Variants in C10orf67 observed in about 807,000 individuals in gnomAD.
C10orf67 encodes the protein uncharacterized protein C10orf67, mitochondrial.
In C10orf67, 60 loss-of-function variants were observed where a neutral mutation model predicts 35.6. That is an observed-to-expected ratio of 1.68 (90% confidence interval 1.37 to 2.09). C10orf67 has a LOEUF of 2.09. Among genes scored for constraint, C10orf67 ranks in the 30% most tolerant of loss-of-function variants. C10orf67 has a pLI of 0.00. For missense variants in C10orf67, 474 were observed against 330.2 expected (o/e 1.44, Z -3.38); for synonymous variants, 167 against 115.8 (o/e 1.44, Z -2.84).
chr10:23,214,255 G>A (rs1008635677), intron 15 of C10orf67, among the ~76,000 whole-genome samples: 1 of 151,968 alleles, frequency 6.6e-6, no homozygotes, highest in African/African-American at 2.4e-5. Flanking sequence ...GAAAACATAA[G>A]AGATTAGGCA....
intron 12 of C10orf67, among the ~76,000 whole-genome samples, chr10:23,249,578 C>T (rs966030357): frequency 2.0e-5 from 3 of 152,134 alleles, no homozygotes; most frequent in Admixed American, 6.5e-5. Flanking sequence ...TTTGTGCCAC[C>T]GCACTTAGGA....
At chr10:23,326,748 A>G (rs529165594) in intron 2 of C10orf67, among the ~76,000 whole-genome samples, 1 of 152,296 alleles carries the variant, frequency 6.6e-6, no homozygotes, top group South Asian at 2.1e-4. Flanking sequence ...TGCGTTTTAC[A>G]TGAAGTTGTG....
rs1468295066 is a variant in C10orf67 at position 23,291,276 on chromosome 10, A to T, written c.706T>A (p.Ser236Thr). Residue 236 changes from serine (S) to threonine (T), a missense_variant, in exon 6 of 16, where the codon TCT (serine) becomes ACT (threonine). By Grantham distance (58) the Ser-to-Thr change is moderately conservative. Transcript: ENST00000636213. ...GGAGAGCTGGTTTCTTTGGCAAAAG[A>T]TTCCTAAAAGATGGAGAATGCCATA... Reference protein sequence around the residue: ...YKDFGFHKMESFAKETSSPKS... With the variant: ...YKDFGFHKMETFAKETSSPKS... 1 of 714,088 alleles carries T rather than the reference A, an allele frequency of 1.4e-6. No individual in the cohort carries two copies. The highest frequency in any genetic ancestry group is 1.8e-5 in the African/African-American group (1 of 57,044). 44.2% of individuals were successfully genotyped at this position (714,088 alleles called of 1,614,324 possible).
At chr10:23,269,323 C>T (rs1285557430) in intron 8 of C10orf67, among the ~76,000 whole-genome samples, 1 of 152,062 alleles carries the variant, frequency 6.6e-6, no homozygotes, top group Non-Finnish European at 1.5e-5. Flanking sequence ...ATGAAATTGT[C>T]CAACACTAAC....
At chr10:23,214,515 TA>T (rs1841383887) in intron 15 of C10orf67, among the ~76,000 whole-genome samples, 1 of 152,124 alleles carries the variant, frequency 6.6e-6, no homozygotes, top group African/African-American at 2.4e-5. Flanking sequence ...ATGCATTTAT[TA>T]ATATGTAATA....
chr10:23,234,079 T>A (rs1328682432), intron 13 of C10orf67, among the ~76,000 whole-genome samples: 1 of 152,208 alleles, frequency 6.6e-6, no homozygotes, highest in Non-Finnish European at 1.5e-5. Context: ...TTGGTGGAAA[T>A]GTAAATTAGT....
intron 8 of C10orf67, among the ~76,000 whole-genome samples, chr10:23,279,577 AG>A (rs1390664638): frequency 6.6e-6 from 1 of 152,210 alleles, no homozygotes; most frequent in African/African-American, 2.4e-5. Context: ...TCCAAGAAAT[AG>A]GGTGCACGGG....
In C10orf67 at chr10:23,297,927, C is replaced by T. The variant is rs181548668; in HGVS notation, c.702+5377G>A. Among the ~76,000 whole-genome samples, 595 of 152,286 alleles carry T rather than the reference C, an allele frequency of 3.9e-3. 3 individuals carry two copies. Among genetic ancestry groups the T allele is most frequent in the South Asian group, 5.8e-3 (28 of 4,828 alleles). ...TGTATTATTTTAACTGCTTCAGATA[C>T]TAAGACTGCTACTGCCACCACTACC... On this transcript the variant is annotated intron_variant, in intron 5 of 15. Transcript: ENST00000636213.
At chr10:23,235,184 C>A (rs1842017074) in intron 13 of C10orf67, among the ~76,000 whole-genome samples, 1 of 151,862 alleles carries the variant, frequency 6.6e-6, no homozygotes, top group African/African-American at 2.4e-5. Flanking sequence ...TAGACTCATA[C>A]ATAGTCAATT....
chr10:23,235,012 C>CAAAAAAAAAAAAAAAAAAAAAGCAAA (rs57049730), intron 13 of C10orf67, among the ~76,000 whole-genome samples: 3 of 76,046 alleles, frequency 3.9e-5, no homozygotes, highest in African/African-American at 9.9e-5. Flanking sequence ...AATTCCATCT[C>CAAAAAAAAAAAAAAAAAAAAAGCAAA]AAAAAAAAAA....
At chr10:23,295,534 A>G (rs1014747513) in intron 5 of C10orf67, among the ~76,000 whole-genome samples, 2 of 152,216 alleles carry the variant, frequency 1.3e-5, no homozygotes, top group Admixed American at 1.3e-4. Flanking sequence ...ATTTCTTCAA[A>G]GAACTTGAAG....
chr10:23,289,999 T>C (rs1843669422), intron 6 of C10orf67, 41 bp from the exon 7 acceptor site: 1 of 715,244 alleles, frequency 1.4e-6, no homozygotes, highest in Non-Finnish European at 2.6e-6. Context: ...TGAAATTACA[T>C]GCTTATGCCC....
At chr10:23,231,748 A>G (rs910020050) in intron 13 of C10orf67, among the ~76,000 whole-genome samples, 4 of 152,286 alleles carry the variant, frequency 2.6e-5, no homozygotes, top group East Asian at 3.9e-4. Flanking sequence ...GTGAGAACCA[A>G]CCTAAGTGTT....
chr10:23,242,739 CA>C (rs143565059), intron 12 of C10orf67, among the ~76,000 whole-genome samples: 5,250 of 150,642 alleles, frequency 0.035, 281 homozygotes, highest in African/African-American at 0.12. Flanking sequence ...GGAGAAATTT[CA>C]AAAAAAGAAA....
intron 10 of C10orf67, among the ~76,000 whole-genome samples, chr10:23,258,874 C>A (rs1842673033): frequency 6.6e-6 from 1 of 152,212 alleles, no homozygotes; most frequent in Non-Finnish European, 1.5e-5. Flanking sequence ...CTTCACCATC[C>A]TATTTAGAGT....
rs1046739499 is a variant in C10orf67, at chr10:23,336,326, T to A, written c.207-3144A>T. ...ACTTTTATAAATATAGATAAATAGATATATAAATAGTTGTAGGTGTATATA... is the reference window on the plus strand; with the variant it reads ...ACTTTTATAAATATAGATAAATAGAAATATAAATAGTTGTAGGTGTATATA... On this transcript the variant is annotated intron_variant, in intron 1 of 15. Coordinates refer to ENST00000636213, the MANE Select transcript of C10orf67 (RefSeq NM_001371909.1). Among the ~76,000 whole-genome samples, 4 of 152,176 alleles carry A rather than the reference T, an allele frequency of 2.6e-5. No homozygotes were observed. In the East Asian group the frequency reaches 7.7e-4, roughly 29 times the overall value.
chr10:23,216,583 C>G (rs1441989110), intron 15 of C10orf67, among the ~76,000 whole-genome samples: 1 of 151,982 alleles, frequency 6.6e-6, no homozygotes, highest in African/African-American at 2.4e-5. Context: ...TTCCCATCAA[C>G]AGCAGAATGA....
intron 5 of C10orf67, among the ~76,000 whole-genome samples, chr10:23,300,644 C>T (rs1241547702): frequency 6.6e-6 from 1 of 152,156 alleles, no homozygotes; most frequent in Non-Finnish European, 1.5e-5. Context: ...GATTTTCTTC[C>T]TTTCCCTGTG....
intron 5 of C10orf67, among the ~76,000 whole-genome samples, chr10:23,300,839 C>T (rs185638618): frequency 1.4e-3 from 215 of 152,296 alleles, no homozygotes; most frequent in Middle Eastern, 3.4e-3. Context: ...CTGTTGTCAT[C>T]CTATCATTGA....
Sources: gnomAD v4.1 joint callset for allele counts (sites outside exome capture counted in the v4.1 genomes callset) on GRCh38, gnomAD v4.1.1 for gene constraint, MANE v1.5 for transcripts, NCBI Gene and HGNC (gene_info 2026-07-23, HGNC 2026-07-21) for gene names.